The following FNBP1L variants were observed in gnomAD, a reference collection of about 807,000 sequenced individuals.
FNBP1L encodes the protein formin binding protein 1 like.
Under a neutral mutation model 91.2 loss-of-function variants are expected in FNBP1L, and 36 were observed. The observed-to-expected ratio is 0.39, with a 90% CI of 0.30 to 0.52. The LOEUF (loss-of-function observed/expected upper bound fraction) is 0.52, where lower values mean the gene tolerates loss of function less well. Among genes scored for constraint, FNBP1L ranks in the 20% least tolerant of loss-of-function variants. The pLI is 0.66. For synonymous variants in FNBP1L, 242 were observed against 237.0 expected (o/e 1.02, Z -0.19); for missense variants, 571 against 732.1 (o/e 0.78, Z 2.54).
Position 93,552,546 on chromosome 1 carries a change from ATT to A in FNBP1L, c.*139_*140del. The A allele has an allele frequency of 3.6e-6, 3 of 829,236 alleles. No individual in the cohort carries two copies. Among genetic ancestry groups the A allele is most frequent in the African/African-American group, 1.8e-5 (1 of 56,264 alleles). 51.4% of individuals were successfully genotyped at this position (829,236 alleles called of 1,614,324 possible). A position where few individuals can be genotyped will look rare whatever the true frequency, so the allele number is the denominator to read the frequency against. On this transcript the variant is annotated 3_prime_UTR_variant, in exon 17 of 17. Coordinates refer to ENST00000271234, the MANE Select transcript of FNBP1L (RefSeq NM_001164473.3). ...AGTTGCATGAGTGCATGCAGACATG[ATT>A]TTTTTTTTACTAACTTCATTAGCAT... is the stretch of plus-strand genomic sequence containing the variant.
chr1:93,464,782 A>G (rs1052250987), intron 1 of FNBP1L, among the ~76,000 whole-genome samples: 5 of 152,282 alleles, frequency 3.3e-5, no homozygotes, highest in East Asian at 3.9e-4. Context: ...GATGTGAGCT[A>G]TTTACTTGTG....
intron 12 of FNBP1L, 99 bp downstream of exon 12, chr1:93,544,315 C>A: frequency 3.1e-6 from 2 of 654,506 alleles, no homozygotes; most frequent in Non-Finnish European, 4.7e-6. Context: ...AATCATATAT[C>A]CTAATTGAAA....
chr1:93,549,872 G>C (rs1243856978), intron 15 of FNBP1L, among the ~76,000 whole-genome samples: 1 of 152,196 alleles, frequency 6.6e-6, no homozygotes, highest in Non-Finnish European at 1.5e-5. Context: ...CATATACTGA[G>C]TCCGTAGGCC....
At chr1:93,508,132 G>T (rs1670698444) in intron 2 of FNBP1L, among the ~76,000 whole-genome samples, 1 of 151,786 alleles carries the variant, frequency 6.6e-6, no homozygotes, top group Non-Finnish European at 1.5e-5. Flanking sequence ...TGGATCGCTT[G>T]AGTCCAGGAG....
At chr1:93,472,820 A>C in intron 1 of FNBP1L, among the ~76,000 whole-genome samples, 1 of 123,626 alleles carries the variant, frequency 8.1e-6, no homozygotes, top group African/African-American at 3.4e-5. Context: ...TCAAAAAAAA[A>C]AAAAAAAAAA....
intron 1 of FNBP1L, among the ~76,000 whole-genome samples, chr1:93,485,687 G>T (rs970449965): frequency 6.6e-6 from 1 of 152,188 alleles, no homozygotes; most frequent in South Asian, 2.1e-4. Flanking sequence ...TATGTTAAAT[G>T]CATTATTTAT....
At chr1:93,502,419 C>T (rs1334885431) in intron 2 of FNBP1L, among the ~76,000 whole-genome samples, 1 of 152,122 alleles carries the variant, frequency 6.6e-6, no homozygotes, top group Non-Finnish European at 1.5e-5. Flanking sequence ...AAAAAAACTT[C>T]AGTAATGTGG....
At chr1:93,477,055 C>T (rs539626945) in intron 1 of FNBP1L, among the ~76,000 whole-genome samples, 26 of 152,038 alleles carry the variant, frequency 1.7e-4, no homozygotes, top group Non-Finnish European at 2.8e-4. Context: ...AATCAGTGCC[C>T]GTAATATTTG....
chr1:93,526,638 G>T (rs745360467), intron 5 of FNBP1L, among the ~76,000 whole-genome samples: 1 of 152,154 alleles, frequency 6.6e-6, no homozygotes, highest in Non-Finnish European at 1.5e-5. Flanking sequence ...ACTGGGCGGG[G>T]CAGGCTCTGC....
At chr1:93,448,915 C>T (rs1557768819) in intron 1 of FNBP1L, among the ~76,000 whole-genome samples, 3 of 152,198 alleles carry the variant, frequency 2.0e-5, no homozygotes, top group Non-Finnish European at 2.9e-5. Flanking sequence ...CTCTCCCTGC[C>T]TCAGTGCTTC....
chr1:93,486,955 A>G (rs1669932082), intron 1 of FNBP1L, among the ~76,000 whole-genome samples: 1 of 152,036 alleles, frequency 6.6e-6, no homozygotes, highest in South Asian at 2.1e-4. Flanking sequence ...GCTATTTTTC[A>G]TATCCTTTCT....
At position 93,552,474 on chromosome 1, in the gene FNBP1L, G is replaced by T; in HGVS notation, c.*58G>T. ...AAGGAGGTTACATGCAGCTGCTTTT[G>T]GGGGAGGGTATTAGAGTTGTCAGGC... On this transcript the variant is annotated 3_prime_UTR_variant, in exon 17 of 17. Transcript: ENST00000271234. The T allele has an allele frequency of 6.2e-7, 1 of 1,602,602 alleles. No individual in the cohort carries two copies. Among genetic ancestry groups the T allele is most frequent in the Non-Finnish European group, 8.5e-7 (1 of 1,172,128 alleles).
intron 1 of FNBP1L, among the ~76,000 whole-genome samples, chr1:93,468,300 C>T (rs748228175): frequency 1.1e-3 from 168 of 151,894 alleles, no homozygotes; most frequent in Non-Finnish European, 6.5e-4. Flanking sequence ...TTTTTTTTAA[C>T]TGAATAATAT....
chr1:93,452,925 A>G (rs1570754623), intron 1 of FNBP1L, among the ~76,000 whole-genome samples: 2 of 152,344 alleles, frequency 1.3e-5, no homozygotes, highest in East Asian at 3.9e-4. Context: ...ATGAAGGCTT[A>G]TGATATTGGC....
intron 14 of FNBP1L, among the ~76,000 whole-genome samples, chr1:93,548,297 T>C (rs1672305312): frequency 6.6e-6 from 1 of 152,210 alleles, no homozygotes; most frequent in Non-Finnish European, 1.5e-5. Flanking sequence ...TTACTGAAAG[T>C]ACTGTTAAAA....
At chr1:93,507,089 ACACACACACACACACACACTCTCTCT>A (rs1482784196) in intron 2 of FNBP1L, among the ~76,000 whole-genome samples, 7 of 131,086 alleles carry the variant, frequency 5.3e-5, no homozygotes, top group East Asian at 2.3e-4. Context: ...ACACACACAC[ACACACACACACACACACACTCTCTCT>A]CTCTCTCTCT....
chr1:93,521,637 A>T (rs1007263970), intron 2 of FNBP1L, among the ~76,000 whole-genome samples: 4 of 152,210 alleles, frequency 2.6e-5, no homozygotes, highest in African/African-American at 9.6e-5. Flanking sequence ...TGTAAATGCT[A>T]TGTAAATACT....
intron 2 of FNBP1L, among the ~76,000 whole-genome samples, chr1:93,510,685 G>A (rs1444825737): frequency 3.3e-5 from 5 of 152,054 alleles, no homozygotes; most frequent in Non-Finnish European, 5.9e-5. Flanking sequence ...CAAACCAAAG[G>A]CAAAGAAGTT....
intron 1 of FNBP1L, among the ~76,000 whole-genome samples, chr1:93,473,377 A>G (rs1669372231): frequency 6.6e-6 from 1 of 152,136 alleles, no homozygotes; most frequent in Non-Finnish European, 1.5e-5. Flanking sequence ...CGAGATAAGT[A>G]GTGGTATTCC....
Sources: allele counts gnomAD v4.1 joint callset (sites outside exome capture counted in the v4.1 genomes callset), GRCh38; gene constraint gnomAD v4.1.1; transcripts MANE v1.5; gene names NCBI Gene and HGNC (gene_info 2026-07-23, HGNC 2026-07-21).